The following GSK3B variants were observed in gnomAD, a reference collection of about 807,000 sequenced individuals.
GSK3B encodes glycogen synthase kinase 3 beta.
GSK3B carries 15 observed loss-of-function variants against 56.4 expected under a neutral mutation model. The ratio of observed to expected loss-of-function variants is 0.27; its 90% CI spans 0.18 to 0.41. The LOEUF (loss-of-function observed/expected upper bound fraction) is 0.41, where lower values mean the gene tolerates loss of function less well. Among genes scored for constraint, GSK3B ranks in the 10% least tolerant of loss-of-function variants. The probability of loss-of-function intolerance (pLI) is 1.00; values close to 1 mark genes in which losing one functional copy is unlikely to be tolerated. For missense variants in GSK3B, 300 were observed against 513.4 expected (o/e 0.58, Z 4.02); for synonymous variants, 181 against 188.9 (o/e 0.96, Z 0.34).
intron 2 of GSK3B, among the ~76,000 whole-genome samples, chr3:119,981,764 G>A (rs1235675453): frequency 6.6e-6 from 1 of 152,252 alleles, no homozygotes; most frequent in Non-Finnish European, 1.5e-5. Flanking sequence ...TGTGGGCAAG[G>A]CATAGCTGAA....
At chr3:119,984,736 C>A (rs940625603) in intron 2 of GSK3B, among the ~76,000 whole-genome samples, 3 of 151,328 alleles carry the variant, frequency 2.0e-5, no homozygotes, top group Non-Finnish European at 4.4e-5. Context: ...GTCTACCAAC[C>A]AAAAAAAGTC....
At chr3:119,906,027 GT>G (rs72546701) in intron 6 of GSK3B, among the ~76,000 whole-genome samples, 175 bp from the exon 7 acceptor site, 10 of 152,034 alleles carry the variant, frequency 6.6e-5, no homozygotes, top group Non-Finnish European at 1.3e-4. Context: ...TTAATTAAAT[GT>G]TAAACTTACC....
rs2057988282 is a variant in GSK3B at position 120,032,745 on chromosome 3, C to T, written c.89-30506G>A. 2.0e-5 allele frequency among the ~76,000 whole-genome samples: 3 copies of T among 152,192 alleles called. No homozygotes were observed. In the South Asian group the frequency reaches 6.2e-4, roughly 31 times the overall value. ...CTGATCTACACCATCCATTTGGCAGCATATATATTCTACTTTATAACATCT... is the reference window on the plus strand; with the variant it reads ...CTGATCTACACCATCCATTTGGCAGTATATATATTCTACTTTATAACATCT... On this transcript the variant is annotated intron_variant, in intron 1 of 10. Coordinates refer to ENST00000264235, the MANE Select transcript of GSK3B (RefSeq NM_001146156.2).
intron 7 of GSK3B, among the ~76,000 whole-genome samples, chr3:119,886,624 G>A (rs1188812830): frequency 6.6e-6 from 1 of 151,962 alleles, no homozygotes. Flanking sequence ...AATCAACCTA[G>A]ATGCCCATCA....
intron 7 of GSK3B, among the ~76,000 whole-genome samples, chr3:119,902,364 G>A (rs929757477): frequency 1.3e-5 from 2 of 151,958 alleles, no homozygotes; most frequent in African/African-American, 4.8e-5. Flanking sequence ...AGGGAGGCAA[G>A]CAGGAAGGAA....
intron 8 of GSK3B, among the ~76,000 whole-genome samples, chr3:119,874,154 G>A (rs139292694): frequency 2.6e-3 from 403 of 152,110 alleles, no homozygotes; most frequent in African/African-American, 8.6e-3. Context: ...TAATACTTGC[G>A]TTAGAGAGAT....
At chr3:119,887,028 A>T (rs2056443658) in intron 7 of GSK3B, among the ~76,000 whole-genome samples, 1 of 152,146 alleles carries the variant, frequency 6.6e-6, no homozygotes, top group Admixed American at 6.6e-5. Flanking sequence ...AAAATATTTT[A>T]AACTGTTAAT....
chr3:119,981,125 T>C (rs1486184150), intron 2 of GSK3B, among the ~76,000 whole-genome samples: 1 of 152,198 alleles, frequency 6.6e-6, no homozygotes, highest in African/African-American at 2.4e-5. Context: ...AACATTTAAC[T>C]GCACTTCTTT....
chr3:120,083,823 A>T (rs1372694975), intron 1 of GSK3B, among the ~76,000 whole-genome samples: 2 of 152,268 alleles, frequency 1.3e-5, no homozygotes, highest in Non-Finnish European at 2.9e-5. Flanking sequence ...AGCAATAAAA[A>T]GGAATGAAGT....
Position 119,940,687 on chromosome 3 carries a change from G to A in GSK3B, c.366+6581C>T, listed in dbSNP as rs1332699089. On this transcript the variant is annotated intron_variant, in intron 3 of 10. Coordinates refer to ENST00000264235, the MANE Select transcript of GSK3B (RefSeq NM_001146156.2). ...TGGCTCTTGGGTGAATGGCTTGATG[G>A]TTCTGTTTTATCTTTTGGGGGTCAG... 2.0e-5 allele frequency among the ~76,000 whole-genome samples: 3 copies of A among 152,126 alleles called. No individual in the cohort carries two copies. The East Asian group carries it at 5.8e-4, about 29-fold the overall frequency.
intron 2 of GSK3B, among the ~76,000 whole-genome samples, chr3:119,973,860 C>T (rs767897213): frequency 7.2e-5 from 11 of 151,876 alleles, no homozygotes; most frequent in Non-Finnish European, 1.3e-4. Flanking sequence ...AACATACCCC[C>T]GAAAGTAAGG....
chr3:119,967,734 T>C (rs2057330320), intron 2 of GSK3B, among the ~76,000 whole-genome samples: 4 of 151,886 alleles, frequency 2.6e-5, no homozygotes, highest in Non-Finnish European at 5.9e-5. Context: ...TTTTCCTTTC[T>C]CCCGTCCCGT....
chr3:120,073,248 G>T (rs1022111969), intron 1 of GSK3B, among the ~76,000 whole-genome samples: 3 of 148,304 alleles, frequency 2.0e-5, no homozygotes, highest in Non-Finnish European at 3.0e-5. Context: ...AAAAAGCCTG[G>T]CATGGTGGTG....
intron 8 of GSK3B, among the ~76,000 whole-genome samples, chr3:119,869,419 T>A (rs1008850553): frequency 2.0e-4 from 31 of 152,092 alleles, no homozygotes; most frequent in African/African-American, 6.8e-4. Context: ...GAAGTTGGCA[T>A]CTAACAGGGT....
At chr3:120,077,365 A>G (rs942894262) in intron 1 of GSK3B, among the ~76,000 whole-genome samples, 35 of 152,212 alleles carry the variant, frequency 2.3e-4, no homozygotes, top group African/African-American at 8.2e-4. Context: ...AAGGACATTA[A>G]CTGAAATAAA....
At chr3:119,866,668 A>G in intron 8 of GSK3B, 1 of 1,412,014 alleles carries the variant, frequency 7.1e-7, no homozygotes, top group Non-Finnish European at 1.0e-6. Flanking sequence ...AAACAGGGGA[A>G]GTCAATCCAA....
At position 120,059,009 on chromosome 3, in the gene GSK3B, C is replaced by CA. The variant is rs1358575864; in HGVS notation, c.88+34337dup. 4.7e-3 allele frequency among the ~76,000 whole-genome samples: 304 copies of CA among 64,458 alleles called. 1 individual carries two copies. The highest frequency in any genetic ancestry group is 8.6e-3 in the East Asian group (18 of 2,100). The allele number at this position is 64,458 out of a possible 152,430, so 42.3% of individuals were successfully genotyped here. The stretch of plus-strand genomic sequence containing the variant: ...TGAGTGGCAGAGCAAGACTCTGTCT[C>CA]AAAAAAAAAAAAAAAAAGAATGCAT... On this transcript the variant is annotated intron_variant, in intron 1 of 10. Coordinates refer to ENST00000264235, the MANE Select transcript of GSK3B (RefSeq NM_001146156.2).
chr3:120,090,365 A>T (rs765395302), intron 1 of GSK3B, among the ~76,000 whole-genome samples: 6 of 152,202 alleles, frequency 3.9e-5, no homozygotes, highest in Non-Finnish European at 5.9e-5. Context: ...TAGGAAGTCA[A>T]ATATCATTGC....
chr3:119,859,870 T>C (rs972885606), intron 9 of GSK3B, among the ~76,000 whole-genome samples: 1 of 152,156 alleles, frequency 6.6e-6, no homozygotes, highest in East Asian at 1.9e-4. Context: ...AGTTACTAAA[T>C]CACTGCTTCT....
Sources: allele counts gnomAD v4.1 joint callset (sites outside exome capture counted in the v4.1 genomes callset), GRCh38; gene constraint gnomAD v4.1.1; transcripts MANE v1.5; gene names NCBI Gene and HGNC (gene_info 2026-07-23, HGNC 2026-07-21).